The following EIF4E variants were observed in gnomAD, a reference collection of about 807,000 sequenced individuals.
EIF4E encodes the protein eukaryotic translation initiation factor 4E.
For missense variants in EIF4E, 113 were observed against 265.6 expected (o/e 0.43, Z 3.99); for synonymous variants, 71 against 88.5 (o/e 0.80, Z 1.11).
chr4:98,912,934 T>A (rs973314137), intron 1 of EIF4E, among the ~76,000 whole-genome samples: 3 of 152,170 alleles, frequency 2.0e-5, no homozygotes, highest in African/African-American at 7.2e-5. Flanking sequence ...TTGCCGGGTG[T>A]GGTGGCTCAC....
chr4:98,894,200 T>C (rs1316496343), intron 2 of EIF4E, among the ~76,000 whole-genome samples: 1 of 152,248 alleles, frequency 6.6e-6, no homozygotes, highest in Non-Finnish European at 1.5e-5. Context: ...TTTAGCATCA[T>C]TCTTCAGGAT....
chr4:98,909,585 C>T (rs571077832), intron 1 of EIF4E: 2 of 677,486 alleles, frequency 3.0e-6, no homozygotes, highest in South Asian at 3.4e-5. Flanking sequence ...CTTTATATTC[C>T]TCAGCTTCTT....
At chr4:98,921,942 T>A (rs1244925123) in intron 1 of EIF4E, among the ~76,000 whole-genome samples, 1 of 152,234 alleles carries the variant, frequency 6.6e-6, no homozygotes, top group Admixed American at 6.5e-5. Context: ...TAAAACACGA[T>A]TGGTGTAATT....
chr4:98,926,673 T>C (rs981859144), intron 1 of EIF4E, among the ~76,000 whole-genome samples: 1 of 152,180 alleles, frequency 6.6e-6, no homozygotes, highest in Non-Finnish European at 1.5e-5. Context: ...AATTTAAACA[T>C]AACATCCAAA....
At chr4:98,917,707 G>C (rs554376031) in intron 1 of EIF4E, among the ~76,000 whole-genome samples, 2 of 152,302 alleles carry the variant, frequency 1.3e-5, no homozygotes, top group South Asian at 4.1e-4. Flanking sequence ...ACAAGAATGT[G>C]ATCACGGGAG....
chr4:98,886,448 T>C, intron 5 of EIF4E: 1 of 445,530 alleles, frequency 2.2e-6, no homozygotes, highest in South Asian at 1.6e-5. Flanking sequence ...GCACAGTGAC[T>C]CACACCTGTA....
In EIF4E at chr4:98,892,477, G is replaced by A. The variant is rs189588502; in HGVS notation, c.126-1145C>T. On this transcript the variant is annotated intron_variant, in intron 2 of 6. Coordinates refer to ENST00000450253, the MANE Select transcript of EIF4E (RefSeq NM_001968.5). The stretch of plus-strand genomic sequence containing the variant: ...GCGGATCACGTGAGGTCAGGAGTTC[G>A]AGACCAGCCTGGCCAACATGGTGAA... 2.8e-3 allele frequency among the ~76,000 whole-genome samples: 426 copies of A among 151,808 alleles called. 3 individuals carry two copies. The highest frequency in any genetic ancestry group is 9.2e-3 in the African/African-American group (382 of 41,422).
In EIF4E at chr4:98,879,362, AC is replaced by A. The variant is rs1723579089; in HGVS notation, c.*1665del. The A allele has an allele frequency of 6.6e-6, 1 of 152,168 alleles. No homozygotes were observed. The highest frequency in any genetic ancestry group is 1.5e-5 in the Non-Finnish European group (1 of 68,012). 9.4% of individuals were successfully genotyped at this position (152,168 alleles called of 1,614,324 possible). ...ATTAAGTCATAATCACCATTCAAAG[AC>A]AAATTTTCCTCTCAAAATAATAATT... is the stretch of plus-strand genomic sequence containing the variant. On this transcript the variant is annotated 3_prime_UTR_variant, in exon 7 of 7. Transcript: ENST00000450253.
chr4:98,929,066 T>A, intron 1 of EIF4E, 29 bp downstream of exon 1: 1 of 1,576,580 alleles, frequency 6.3e-7, no homozygotes, highest in East Asian at 2.3e-5. Flanking sequence ...CGGGGACCCG[T>A]GGGGGTGGGG....
chr4:98,891,590 C>A, intron 2 of EIF4E: 1 of 462,066 alleles, frequency 2.2e-6, no homozygotes, highest in Non-Finnish European at 3.9e-6. Context: ...TGTATGATTC[C>A]ACTTATATGA....
chr4:98,898,789 G>C (rs1319028114), intron 2 of EIF4E, among the ~76,000 whole-genome samples: 1 of 151,900 alleles, frequency 6.6e-6, no homozygotes, highest in Non-Finnish European at 1.5e-5. Flanking sequence ...TAAAAATATA[G>C]TAAATAACAA....
rs1420520941 is a variant in EIF4E, at chr4:98,885,182, A to C, written c.400-121T>G. 6 of 1,187,244 alleles carry C rather than the reference A, an allele frequency of 5.1e-6. No individual in the cohort carries two copies. The East Asian group carries it at 1.5e-4, about 31-fold the overall frequency. The allele number at this position is 1,187,244 out of a possible 1,614,324, so 73.5% of individuals were successfully genotyped here. The stretch of plus-strand genomic sequence containing the variant: ...TTTTTAAATCAAGAGTTAATTTTTT[A>C]AATGTGTAAATTTTATTTGCATATA... On this transcript the variant is annotated intron_variant, in intron 5 of 6. Coordinates refer to ENST00000450253, the MANE Select transcript of EIF4E (RefSeq NM_001968.5).
intron 1 of EIF4E, among the ~76,000 whole-genome samples, chr4:98,902,316 T>C (rs1388180511): frequency 6.6e-6 from 1 of 152,188 alleles, no homozygotes; most frequent in Non-Finnish European, 1.5e-5. Flanking sequence ...GTGATTCACC[T>C]GCCTTGGCCT....
intron 1 of EIF4E, among the ~76,000 whole-genome samples, chr4:98,918,360 GA>G (rs528302113): frequency 0.016 from 1,586 of 99,874 alleles, 12 homozygotes; most frequent in African/African-American, 0.022. Flanking sequence ...CTCCGTCTTG[GA>G]AAAAAAAAAA....
chr4:98,917,067 T>C (rs1352137870), intron 1 of EIF4E, among the ~76,000 whole-genome samples: 1 of 148,782 alleles, frequency 6.7e-6, no homozygotes, highest in African/African-American at 2.5e-5. Context: ...CTATTTTTAT[T>C]ATTCTACCTT....
chr4:98,922,742 TTAATTCCATATCCC>T, intron 1 of EIF4E, among the ~76,000 whole-genome samples: 1 of 152,144 alleles, frequency 6.6e-6, no homozygotes. Context: ...ATCCATATCC[TTAATTCCATATCCC>T]TATAAATCCA....
intron 1 of EIF4E, 157 bp downstream of exon 1, chr4:98,928,938 G>T (rs932823191): frequency 6.3e-7 from 1 of 1,576,352 alleles, no homozygotes. Flanking sequence ...CCTCCGGGAC[G>T]TCCCCACTTG....
intron 3 of EIF4E, among the ~76,000 whole-genome samples, chr4:98,888,625 A>G (rs1342684038): frequency 1.3e-5 from 2 of 152,242 alleles, no homozygotes; most frequent in Non-Finnish European, 2.9e-5. Context: ...AAATAACAGA[A>G]TAACATTTGC....
At chr4:98,920,979 G>C (rs935381170) in intron 1 of EIF4E, among the ~76,000 whole-genome samples, 2 of 152,020 alleles carry the variant, frequency 1.3e-5, no homozygotes, top group African/African-American at 4.8e-5. Flanking sequence ...TTGACACTCA[G>C]GTTTGAGTTC....
Sources: gnomAD v4.1 joint callset for allele counts (sites outside exome capture counted in the v4.1 genomes callset) on GRCh38, gnomAD v4.1.1 for gene constraint, MANE v1.5 for transcripts, NCBI Gene and HGNC (gene_info 2026-07-23, HGNC 2026-07-21) for gene names.